Variants in FUCA1 observed in about 807,000 individuals in gnomAD.
FUCA1 encodes tissue alpha-L-fucosidase.
A neutral mutation model predicts 56.8 loss-of-function variants in FUCA1; 52 were observed. The observed-to-expected ratio is 0.92, with a 90% CI of 0.73 to 1.15. The LOEUF (loss-of-function observed/expected upper bound fraction) is 1.15, where lower values mean the gene tolerates loss of function less well. Among genes scored for constraint, FUCA1 ranks in the 50% most tolerant of loss-of-function variants. FUCA1 has a pLI of 0.00. For synonymous variants in FUCA1, 230 were observed against 226.6 expected (o/e 1.02, Z -0.14); for missense variants, 568 against 592.6 (o/e 0.96, Z 0.43).
intron 3 of FUCA1, among the ~76,000 whole-genome samples, chr1:23,860,385 C>T (rs1639481045): frequency 6.6e-6 from 1 of 151,856 alleles, no homozygotes; most frequent in Admixed American, 6.6e-5. Context: ...AGATCGAGAC[C>T]ATCCTGGGTA....
chr1:23,856,496 T>G (rs116456835), intron 4 of FUCA1, among the ~76,000 whole-genome samples: 4,232 of 152,346 alleles, frequency 0.028, 77 homozygotes, highest in Middle Eastern at 0.054. Flanking sequence ...TGTCTTTCTC[T>G]TCAGACTGTA....
rs532619184 is a variant in FUCA1, at chr1:23,860,583, CAAAAAAAAAA to C, written c.663-690_663-681del. ...TGGGCGACGGAGTGAAACTCCGTCT[CAAAAAAAAAA>C]AAAAAAAACACACAGCATTTTGGTA... On this transcript the variant is annotated intron_variant, in intron 3 of 7. Coordinates refer to ENST00000374479, the MANE Select transcript of FUCA1 (RefSeq NM_000147.5). Among the ~76,000 whole-genome samples, 4 of 50,246 alleles carry C rather than the reference CAAAAAAAAAA, an allele frequency of 8.0e-5. 1 individual carries two copies. The highest frequency in any genetic ancestry group is 2.9e-4 in the African/African-American group (4 of 13,828). The allele number at this position is 50,246 out of a possible 152,430, so 33.0% of individuals were successfully genotyped here. A position where few individuals can be genotyped will look rare whatever the true frequency, so the allele number is the denominator to read the frequency against.
Position 23,845,272 on chromosome 1 carries a change from TCCTGC to T in FUCA1, c.*438_*442del, listed in dbSNP as rs886046323. 9.0e-5 allele frequency: 24 copies of T among 267,964 alleles called. No individual in the cohort carries two copies. The highest frequency in any genetic ancestry group is 1.3e-4 in the South Asian group (3 of 23,206). The allele number at this position is 267,964 out of a possible 1,614,324, so 16.6% of individuals were successfully genotyped here. A position where few individuals can be genotyped will look rare whatever the true frequency, so the allele number is the denominator to read the frequency against. On this transcript the variant is annotated 3_prime_UTR_variant, in exon 8 of 8. Coordinates refer to ENST00000374479, the MANE Select transcript of FUCA1 (RefSeq NM_000147.5). ...AGCCTTTTCCTTTCCCCCAAAGCTC[TCCTGC>T]CCTTTGCAGAAAGACTGTTGGTGAC...
At chr1:23,850,545 G>A (rs554727863) in intron 5 of FUCA1, among the ~76,000 whole-genome samples, 2 of 151,874 alleles carry the variant, frequency 1.3e-5, no homozygotes, top group African/African-American at 2.4e-5. Context: ...GTGCAGTGGC[G>A]CAATCTCAGC....
intron 6 of FUCA1, among the ~76,000 whole-genome samples, chr1:23,846,647 T>C (rs1639149154): frequency 6.6e-6 from 1 of 151,658 alleles, no homozygotes; most frequent in South Asian, 2.1e-4. Context: ...AGTGGCGTGA[T>C]CTTGGCTCAC....
intron 5 of FUCA1, among the ~76,000 whole-genome samples, chr1:23,851,932 G>A (rs1379985685): frequency 6.6e-6 from 1 of 151,786 alleles, no homozygotes; most frequent in East Asian, 1.9e-4. Flanking sequence ...CTAGATATCG[G>A]GTTGATAGTT....
Position 23,846,129 on chromosome 1 carries a change from C to T in FUCA1, c.1205G>A (p.Trp402Ter). The change falls in exon 7 of 8, where the codon TGG becomes TAG. Residue 402 changes from tryptophan to a stop codon, truncating the protein, a stop_gained. Transcript: ENST00000374479. LOFTEE classifies it high-confidence loss of function. The stretch of plus-strand genomic sequence containing the variant: ...AAGGTTTAAGACTCCATTTTCTGGC[C>T]AGTGCAGAAAAATGGCATAAACAGC... ...GSAVYAIFLH[W>*]PENGVLNLES... is the part of the protein sequence containing the mutation. 1 of 1,614,092 alleles carries T rather than the reference C, an allele frequency of 6.2e-7. No individual in the cohort carries two copies. The highest frequency in any genetic ancestry group is 8.5e-7 in the Non-Finnish European group (1 of 1,180,012).
intron 2 of FUCA1, among the ~76,000 whole-genome samples, chr1:23,864,027 G>C (rs925288698): frequency 6.6e-6 from 1 of 150,862 alleles, no homozygotes; most frequent in Non-Finnish European, 1.5e-5. Context: ...CAGTTGAAAT[G>C]AATATAGGTT....
At chr1:23,862,276 C>T (rs1197211661) in intron 3 of FUCA1, among the ~76,000 whole-genome samples, 1 of 152,232 alleles carries the variant, frequency 6.6e-6, no homozygotes, top group East Asian at 1.9e-4. Context: ...AGAGATTCTC[C>T]TGCCTCAGCC....
intron 1 of FUCA1, 32 bp from the exon 2 acceptor site, chr1:23,865,657 A>G (rs1167704311): frequency 6.2e-7 from 1 of 1,614,188 alleles, no homozygotes; most frequent in African/African-American, 1.3e-5. Flanking sequence ...GAGCAAAGGA[A>G]GTGGGCAGTG....
intron 4 of FUCA1, among the ~76,000 whole-genome samples, chr1:23,857,629 T>A (rs2148444763): frequency 6.6e-6 from 1 of 151,820 alleles, no homozygotes; most frequent in East Asian, 1.9e-4. Flanking sequence ...CTCGAGTAGC[T>A]GGGATTAGAG....
rs190346375 is a variant in FUCA1, at chr1:23,850,081, A to G, written c.970-1242T>C. On this transcript the variant is annotated intron_variant, in intron 5 of 7. Transcript: ENST00000374479. ...TGTAATCCCAGCACTTTGGGAAGCC[A>G]GGACAGGTGGATTACCTGAGGTCAG... 7.7e-3 allele frequency among the ~76,000 whole-genome samples: 1,168 copies of G among 152,142 alleles called. 6 individuals carry two copies. Among genetic ancestry groups the G allele is most frequent in the Non-Finnish European group, 0.013 (911 of 67,976 alleles).
At chr1:23,850,854 C>T (rs963961879) in intron 5 of FUCA1, among the ~76,000 whole-genome samples, 1 of 151,896 alleles carries the variant, frequency 6.6e-6, no homozygotes, top group Non-Finnish European at 1.5e-5. Flanking sequence ...TAAACTCCTG[C>T]CCTCAAGCAA....
intron 3 of FUCA1, among the ~76,000 whole-genome samples, chr1:23,861,902 T>G (rs1238104749): frequency 6.6e-6 from 1 of 152,242 alleles, no homozygotes; most frequent in East Asian, 1.9e-4. Flanking sequence ...GTCTGTGATT[T>G]ACTGTGTATA....
intron 5 of FUCA1, among the ~76,000 whole-genome samples, chr1:23,853,106 T>G (rs1262476687): frequency 7.4e-6 from 1 of 135,998 alleles, no homozygotes; most frequent in South Asian, 2.4e-4. Context: ...GTCTGAGATG[T>G]GGGGAGCGCC....
At chr1:23,860,091 T>G (rs561713995) in intron 3 of FUCA1, among the ~76,000 whole-genome samples, 188 bp from the exon 4 acceptor site, 16 of 152,314 alleles carry the variant, frequency 1.1e-4, no homozygotes, top group African/African-American at 3.8e-4. Flanking sequence ...TCCTCTTGCC[T>G]AAGCCTCCTG....
intron 6 of FUCA1, among the ~76,000 whole-genome samples, chr1:23,846,743 T>A (rs1272453536): frequency 6.6e-6 from 1 of 151,734 alleles, no homozygotes; most frequent in Non-Finnish European, 1.5e-5. Flanking sequence ...CACCATACCC[T>A]GCTAATTTTT....
chr1:23,846,735 C>T (rs1639151609), intron 6 of FUCA1, among the ~76,000 whole-genome samples: 2 of 152,156 alleles, frequency 1.3e-5, no homozygotes, highest in South Asian at 2.1e-4. Flanking sequence ...GTGCCTGCCA[C>T]CATACCCTGC....
Position 23,867,869 on chromosome 1 carries a change from G to T in FUCA1, c.389+29C>A. 1 of 1,532,472 alleles carries T rather than the reference G, an allele frequency of 6.5e-7. No individual in the cohort carries two copies. Among genetic ancestry groups the T allele is most frequent in the South Asian group, 1.2e-5 (1 of 83,178 alleles). The allele number at this position is 1,532,472 out of a possible 1,614,324, so 94.9% of individuals were successfully genotyped here. A position where few individuals can be genotyped will look rare whatever the true frequency, so the allele number is the denominator to read the frequency against. On this transcript the variant is annotated intron_variant, in intron 1 of 7. Coordinates refer to ENST00000374479, the MANE Select transcript of FUCA1 (RefSeq NM_000147.5). The surrounding 1 kb of genome is among the most constrained non-coding windows in gnomAD (Gnocchi z 4.9). Reference sequence around the variant, plus strand: ...TCCTGTTTGCCGCCCGAGCCGGGAAGGGGCGCCGCTCCCCGGGACCACACT... The same window carrying T: ...TCCTGTTTGCCGCCCGAGCCGGGAATGGGCGCCGCTCCCCGGGACCACACT...
Sources: gnomAD v4.1 joint callset for allele counts (sites outside exome capture counted in the v4.1 genomes callset) on GRCh38, gnomAD v4.1.1 for gene constraint, Gnocchi (gnomAD v3.1) non-coding constraint, MANE v1.5 for transcripts, NCBI Gene and HGNC (gene_info 2026-07-23, HGNC 2026-07-21) for gene names.